The following ANKRD18B variants were observed in gnomAD, a reference collection of about 807,000 sequenced individuals.
ANKRD18B encodes ankyrin repeat domain-containing protein 18B.
A neutral mutation model predicts 111.8 loss-of-function variants in ANKRD18B; 75 were observed. The observed-to-expected ratio is 0.67, with a 90% CI of 0.56 to 0.81. ANKRD18B has a LOEUF of 0.81. Ranked by LOEUF, ANKRD18B falls within the 40% of genes least tolerant of loss-of-function variation. The pLI, the probability that ANKRD18B is intolerant of heterozygous loss-of-function variation, is 0.00. For missense variants in ANKRD18B, 1,038 were observed against 1,225.5 expected (o/e 0.85, Z 2.28); for synonymous variants, 356 against 417.3 (o/e 0.85, Z 1.79).
chr9:33,548,520 G>T lies in ANKRD18B; in HGVS notation c.1732G>T (p.Val578Leu). Residue 578 changes from valine to leucine, a missense_variant, in exon 11 of 19, where the codon GTA (valine) becomes TTA (leucine). By Grantham distance (32) the Val-to-Leu change is conservative. Transcript: ENST00000684830. ...LREKTLALES[V>L]QLDLKQAQHR... ...GGAAAAGACATTGGCTTTAGAAAGTGTACAGCTGGACCTAAAGCAAGCGCA... is the reference window on the plus strand; with the variant it reads ...GGAAAAGACATTGGCTTTAGAAAGTTTACAGCTGGACCTAAAGCAAGCGCA... 6.4e-7 allele frequency: 1 copy of T among 1,551,154 alleles called. No homozygotes were observed. Among genetic ancestry groups the T allele is most frequent in the Non-Finnish European group, 8.7e-7 (1 of 1,146,614 alleles).
At chr9:33,547,749 T>C (rs1267738040) in intron 10 of ANKRD18B, among the ~76,000 whole-genome samples, 189 bp from the exon 11 acceptor site, 1 of 151,422 alleles carries the variant, frequency 6.6e-6, no homozygotes, top group African/African-American at 2.4e-5. Context: ...TGACTTCAAA[T>C]ACATTTTTGA....
At chr9:33,570,931 C>T (rs1368114170) in intron 17 of ANKRD18B, among the ~76,000 whole-genome samples, 1 of 152,046 alleles carries the variant, frequency 6.6e-6, no homozygotes, top group Non-Finnish European at 1.5e-5. Flanking sequence ...CTGCCATGCC[C>T]GGTCATTGTT....
rs1828433196 is a variant in ANKRD18B at position 33,550,594 on chromosome 9, T to C, written c.2217+15T>C. On this transcript the variant is annotated intron_variant, in intron 12 of 18. Coordinates refer to ENST00000684830, the MANE Select transcript of ANKRD18B (RefSeq NM_001393611.1). ...TAGAAATTCAAGTATGTATGGAATTTAACATGTAGACAGTTAATCTGTAGC... is the reference window on the plus strand; with the variant it reads ...TAGAAATTCAAGTATGTATGGAATTCAACATGTAGACAGTTAATCTGTAGC... 2.6e-5 allele frequency: 40 copies of C among 1,527,042 alleles called. No individual in the cohort carries two copies. The highest frequency in any genetic ancestry group is 3.3e-5 in the Non-Finnish European group (38 of 1,136,782). The allele number at this position is 1,527,042 out of a possible 1,614,324, so 94.6% of individuals were successfully genotyped here.
At chr9:33,567,400 A>C (rs1297154992) in intron 16 of ANKRD18B, 86 bp downstream of exon 16, 2 of 1,178,380 alleles carry the variant, frequency 1.7e-6, no homozygotes, top group East Asian at 5.3e-5. Flanking sequence ...TGGCTTCAGG[A>C]GATCAGTAGG....
intron 14 of ANKRD18B, among the ~76,000 whole-genome samples, chr9:33,562,085 CTCTT>C (rs758645493): frequency 5.3e-5 from 8 of 152,290 alleles, no homozygotes; most frequent in African/African-American, 1.4e-4. Flanking sequence ...ACGAGACACA[CTCTT>C]TCTTTTTTTC....
chr9:33,553,263 G>A (rs1354286075), intron 12 of ANKRD18B, among the ~76,000 whole-genome samples: 2 of 152,066 alleles, frequency 1.3e-5, no homozygotes, highest in African/African-American at 2.4e-5. Context: ...AGCTACGTTG[G>A]AGGCTGTGGT....
rs1440372520 is a variant in ANKRD18B at position 33,566,369 on chromosome 9, G to T, written c.2611G>T (p.Glu871Ter). 1 of 1,582,642 alleles carries T rather than the reference G, an allele frequency of 6.3e-7. No homozygotes were observed. The highest frequency in any genetic ancestry group is 8.6e-7 in the Non-Finnish European group (1 of 1,160,986). Reference sequence around the variant, plus strand: ...TGAGAAGGATAAAAAGATGTTGGAAGAAAAAGTATTAAATCTTAAGACACA... The same window carrying T: ...TGAGAAGGATAAAAAGATGTTGGAATAAAAAGTATTAAATCTTAAGACACA... ...KLEKDKKMLEEKVLNLKTHME... is the reference protein window; with the variant it reads ...KLEKDKKMLE Residue 871 changes from glutamate to a stop codon, truncating the protein, a stop_gained, in exon 15 of 19, where the codon GAA (glutamate) becomes TAA (stop). Transcript: ENST00000684830. LOFTEE classifies it high-confidence loss of function.
intron 16 of ANKRD18B, among the ~76,000 whole-genome samples, chr9:33,568,437 T>C (rs978474664): frequency 1.3e-5 from 2 of 152,228 alleles, no homozygotes; most frequent in African/African-American, 2.4e-5. Flanking sequence ...CTTCCCTGTC[T>C]ACTTTGAACT....
At position 33,540,162 on chromosome 9, in the gene ANKRD18B, G is replaced by C. The variant is rs1828257988; in HGVS notation, c.947G>C (p.Cys316Ser). 6.6e-6 allele frequency: 1 copy of C among 151,018 alleles called. No individual in the cohort carries two copies. Among genetic ancestry groups the C allele is most frequent in the Non-Finnish European group, 1.5e-5 (1 of 67,798 alleles). 9.4% of individuals were successfully genotyped at this position (151,018 alleles called of 1,614,324 possible). A position where few individuals can be genotyped will look rare whatever the true frequency, so the allele number is the denominator to read the frequency against. Residue 316 changes from cysteine (C) to serine (S), a missense_variant, in exon 8 of 19, where the codon TGC becomes TCC. Cys to Ser is a moderately radical substitution (Grantham distance 112). Transcript: ENST00000684830. ...PSPPRFKQFS[C>S]LSLPRSWDNR... ...CCTCCCAGGTTCAAGCAATTCTCCT[G>C]CCTCAGCCTCCCGAGGAGCTGGGAC...
intron 6 of ANKRD18B, among the ~76,000 whole-genome samples, chr9:33,538,888 A>T (rs1285554148): frequency 6.6e-6 from 1 of 152,232 alleles, no homozygotes; most frequent in Non-Finnish European, 1.5e-5. Flanking sequence ...TCTGAACTGT[A>T]TAAAGACACC....
chr9:33,558,110 G>A lies in ANKRD18B; in HGVS notation c.2383G>A (p.Glu795Lys), dbSNP rs1265526829. Residue 795 changes from glutamate (E) to lysine (K), a missense_variant, in exon 14 of 19, where the codon GAA (glutamate) becomes AAA (lysine). Transcript: ENST00000684830. Reference sequence around the variant, plus strand: ...AAATATGTTAAATGCATTTGCAAATGAAGACTTCAGTTGCCATGGAGACTT... The same window carrying A: ...AAATATGTTAAATGCATTTGCAAATAAAGACTTCAGTTGCCATGGAGACTT... The part of the protein sequence containing the change: ...TINMLNAFAN[E>K]DFSCHGDLNT... The A allele has an allele frequency of 3.7e-6, 6 of 1,611,798 alleles. No individual in the cohort carries two copies. Among genetic ancestry groups the A allele is most frequent in the Non-Finnish European group, 5.1e-6 (6 of 1,179,028 alleles).
chr9:33,536,503 G>A (rs916325527), intron 5 of ANKRD18B, among the ~76,000 whole-genome samples: 5 of 152,208 alleles, frequency 3.3e-5, no homozygotes, highest in Non-Finnish European at 5.9e-5. Flanking sequence ...ATTACCTAGT[G>A]AAGTCAAGTA....
intron 3 of ANKRD18B, among the ~76,000 whole-genome samples, chr9:33,529,961 T>C (rs745704691): frequency 3.5e-4 from 53 of 152,174 alleles, no homozygotes; most frequent in Non-Finnish European, 6.2e-4. Flanking sequence ...CTTTCAAATC[T>C]AGAATATCTT....
chr9:33,529,238 T>G (rs1828076259), intron 3 of ANKRD18B, 65 bp downstream of exon 3: 2 of 1,493,470 alleles, frequency 1.3e-6, no homozygotes, highest in African/African-American at 2.8e-5. Context: ...AAGAGTCAAT[T>G]TTTCATATTT....
chr9:33,548,023 T>A lies in ANKRD18B; in HGVS notation c.1235T>A (p.Leu412Ter). The change falls in exon 11 of 19, where the codon TTA becomes TAA. Residue 412 changes from leucine (L) to a stop codon, truncating the protein, a stop_gained. Coordinates refer to ENST00000684830, the MANE Select transcript of ANKRD18B (RefSeq NM_001393611.1). LOFTEE classifies it high-confidence loss of function. ...GACATTGCCATGCTCAAAGAGGAAT[T>A]ATATGCAATAAAAAATGACAGTCTC... Reference protein sequence around the residue: ...KRDIAMLKEELYAIKNDSLRK... With the variant: ...KRDIAMLKEE 1.3e-6 allele frequency: 2 copies of A among 1,526,630 alleles called. No homozygotes were observed. The highest frequency in any genetic ancestry group is 1.4e-5 in the African/African-American group (1 of 71,504). 94.6% of individuals were successfully genotyped at this position (1,526,630 alleles called of 1,614,324 possible).
In ANKRD18B at chr9:33,528,958, T is replaced by A. The variant is rs1189084149; in HGVS notation, c.322-42T>A. The A allele has an allele frequency of 2.5e-6, 4 of 1,606,896 alleles. No individual in the cohort carries two copies. In the East Asian group the frequency reaches 8.9e-5, roughly 36 times the overall value. On this transcript the variant is annotated intron_variant, in intron 2 of 18. Coordinates refer to ENST00000684830, the MANE Select transcript of ANKRD18B (RefSeq NM_001393611.1). The stretch of plus-strand genomic sequence containing the variant: ...AAACCTGTGGAATATGTATTTTGAA[T>A]TCTTAGAATTTATAGTCTAGTTTTT...
intron 12 of ANKRD18B, 95 bp downstream of exon 12, chr9:33,550,674 T>C (rs764403793): frequency 7.9e-5 from 94 of 1,195,898 alleles, no homozygotes; most frequent in Non-Finnish European, 9.6e-5. Context: ...GTGGACAGCT[T>C]GATTTTGTAT....
At chr9:33,568,929 T>G in intron 17 of ANKRD18B, 36 bp downstream of exon 17, 1 of 1,469,760 alleles carries the variant, frequency 6.8e-7, no homozygotes, top group Non-Finnish European at 9.1e-7. Flanking sequence ...TGGGTTTCAT[T>G]TCTCTAATAT....
chr9:33,544,750 T>G (rs1319661221), intron 10 of ANKRD18B, among the ~76,000 whole-genome samples: 1 of 152,098 alleles, frequency 6.6e-6, no homozygotes, highest in African/African-American at 2.4e-5. Context: ...GGCAGGAGAA[T>G]TGCTTGAACA....
Sources: gnomAD v4.1 joint callset for allele counts (sites outside exome capture counted in the v4.1 genomes callset) on GRCh38, gnomAD v4.1.1 for gene constraint, MANE v1.5 for transcripts, NCBI Gene and HGNC (gene_info 2026-07-23, HGNC 2026-07-21) for gene names.